The following CRYBG2 variants were observed in gnomAD, a reference collection of about 807,000 sequenced individuals.
CRYBG2 encodes crystallin beta-gamma domain containing 2, also known as beta/gamma crystallin domain-containing protein 2.
Under a neutral mutation model 153.4 loss-of-function variants are expected in CRYBG2, and 106 were observed. That is an observed-to-expected ratio of 0.69 (90% CI 0.59 to 0.81). The LOEUF is 0.81. CRYBG2 is among the 30% of genes least tolerant of loss of function. CRYBG2 has a pLI of 0.00. For synonymous variants in CRYBG2, 851 were observed against 877.8 expected (o/e 0.97, Z 0.54); for missense variants, 1,996 against 2,112.0 (o/e 0.95, Z 1.08).
In CRYBG2 at chr1:26,325,854, G is replaced by A. The variant is rs2073918632; in HGVS notation, c.4579-1544C>T. Reference sequence around the variant, plus strand: ...GGCAGTGCTTCCCCAAGTGAGGTATGCTTACTACCAGTGGGTGGTCCATGA... The same window carrying A: ...GGCAGTGCTTCCCCAAGTGAGGTATACTTACTACCAGTGGGTGGTCCATGA... On this transcript the variant is annotated intron_variant, in intron 17 of 19. Transcript: ENST00000308182. The surrounding 1 kb of genome is among the most constrained non-coding windows in gnomAD (Gnocchi z 4.1). Among the ~76,000 whole-genome samples the A allele has an allele frequency of 6.6e-6, 1 of 152,172 alleles. No individual in the cohort carries two copies. The highest frequency in any genetic ancestry group is 6.6e-5 in the Admixed American group (1 of 15,266).
At chr1:26,331,415 G>A in intron 15 of CRYBG2, 74 bp downstream of exon 15, 1 of 1,571,946 alleles carries the variant, frequency 6.4e-7, no homozygotes, top group Non-Finnish European at 8.7e-7. Flanking sequence ...CCAGCACACA[G>A]GTTCTGTGTC....
intron 1 of CRYBG2, among the ~76,000 whole-genome samples, chr1:26,351,548 C>A (rs1268170278): frequency 6.6e-6 from 1 of 152,176 alleles, no homozygotes; most frequent in African/African-American, 2.4e-5. Flanking sequence ...AAAACAGGGA[C>A]ATTTGGAAAG....
chr1:26,352,092 G>C (rs1452577378), intron 1 of CRYBG2, among the ~76,000 whole-genome samples: 1 of 151,984 alleles, frequency 6.6e-6, no homozygotes, highest in African/African-American at 2.4e-5. Context: ...AACCCAACAA[G>C]TCCTGGATTC....
rs766763467 is a variant in CRYBG2 at position 26,345,761 on chromosome 1, A to C, written c.897T>G (p.Ser299Arg). ...SALASTGIPA[S>R]AHLPKNQDAP... ...CATCCTGATTCTTAGGCAGGTGAGC[A>C]CTGGCTGGGATGCCTGTAGAGGCCA... The change falls in exon 2 of 20, where the codon AGT (serine) becomes AGG (arginine). Residue 299 changes from serine to arginine, a missense_variant. Transcript: ENST00000308182. 13 of 1,597,212 alleles carry C rather than the reference A, an allele frequency of 8.1e-6. No individual in the cohort carries two copies. The African/African-American group carries it at 1.7e-4, about 21-fold the overall frequency.
chr1:26,337,950 T>A, intron 8 of CRYBG2, 62 bp downstream of exon 8: 1 of 1,583,260 alleles, frequency 6.3e-7, no homozygotes, highest in Non-Finnish European at 8.6e-7. Flanking sequence ...CAGACCACGA[T>A]AACCAAACAC....
intron 15 of CRYBG2, among the ~76,000 whole-genome samples, chr1:26,331,043 A>T (rs143489418): frequency 3.3e-5 from 5 of 152,280 alleles, no homozygotes; most frequent in Non-Finnish European, 7.4e-5. Flanking sequence ...CAGCAACCCC[A>T]CTGCCTTGCC....
rs1177168813 is a variant in CRYBG2 at position 26,343,827 on chromosome 1, A to G, written c.2831T>C (p.Val944Ala). 7.5e-6 allele frequency: 11 copies of G among 1,466,788 alleles called. No individual in the cohort carries two copies. Among genetic ancestry groups the G allele is most frequent in the Non-Finnish European group, 9.9e-6 (11 of 1,106,592 alleles). The allele number at this position is 1,466,788 out of a possible 1,614,324, so 90.9% of individuals were successfully genotyped here. A position where few individuals can be genotyped will look rare whatever the true frequency, so the allele number is the denominator to read the frequency against. The stretch of plus-strand genomic sequence containing the variant: ...GCAAAGCAGGGGCAACTGTCCTGGC[A>G]CCTTCCTGAGCCCCGGTGCCCCATG... ...LPHGAPGLRK[V>A]PGQLPLLCSE... is the part of the protein sequence containing the mutation. Residue 944 changes from valine to alanine, a missense_variant, in exon 2 of 20, where the codon GTG (valine) becomes GCG (alanine). Coordinates refer to ENST00000308182, the MANE Select transcript of CRYBG2 (RefSeq NM_001039775.4). The surrounding 1 kb of genome is among the most constrained non-coding windows in gnomAD (Gnocchi z 4.1).
rs542440706 is a variant in CRYBG2, at chr1:26,345,166, C to G, written c.1492G>C (p.Val498Leu). ...GCAGCAGGAGCACCAGGGCCCTTCA[C>G]GACCTCTTTCCAGGTGGGGGACGAG... ...AASSPTWKEV[V>L]KGPGAPAASS... Residue 498 changes from valine (V) to leucine (L), a missense_variant, in exon 2 of 20, where the codon GTG becomes CTG. Physicochemically the swap from Val to Leu is conservative, Grantham distance 32 (BLOSUM62 1). Transcript: ENST00000308182. 4 of 1,162,228 alleles carry G rather than the reference C, an allele frequency of 3.4e-6. No individual in the cohort carries two copies. Among genetic ancestry groups the G allele is most frequent in the Non-Finnish European group, 4.7e-6 (4 of 853,548 alleles). 72.0% of individuals were successfully genotyped at this position (1,162,228 alleles called of 1,614,324 possible).
intron 14 of CRYBG2, 134 bp downstream of exon 14, chr1:26,335,961 T>G: frequency 1.5e-6 from 1 of 657,128 alleles, no homozygotes; most frequent in Non-Finnish European, 2.4e-6. Flanking sequence ...AAACCTTATT[T>G]TGTTTTAAAA....
At chr1:26,329,240 G>A (rs1460144104) in intron 15 of CRYBG2, among the ~76,000 whole-genome samples, 9 of 142,716 alleles carry the variant, frequency 6.3e-5, no homozygotes, top group Admixed American at 5.1e-4. Flanking sequence ...ACAGTGGCGC[G>A]ATATTGGCTC....
Position 26,324,240 on chromosome 1 carries a change from T to A in CRYBG2, c.4649A>T (p.Asp1550Val). The A allele has an allele frequency of 6.2e-7, 1 of 1,612,804 alleles. No homozygotes were observed. Residue 1550 changes from aspartate (D) to valine (V), a missense_variant, in exon 18 of 20, where the codon GAC becomes GTC. By Grantham distance (152) the Asp-to-Val change is radical. Transcript: ENST00000308182. ...GACCACCACACGGCCTGCTTTCATGTCCTCCACATGGTCCGGCACTGCCAG... is the reference window on the plus strand; with the variant it reads ...GACCACCACACGGCCTGCTTTCATGACCTCCACATGGTCCGGCACTGCCAG... ...GFLAVPDHVE[D>V]MKAGRVVVAD... is the part of the protein sequence containing the mutation.
At chr1:26,347,672 T>A (rs2074240901) in intron 1 of CRYBG2, among the ~76,000 whole-genome samples, 3 of 151,742 alleles carry the variant, frequency 2.0e-5, no homozygotes, top group African/African-American at 7.3e-5. Context: ...TTGTATTTTT[T>A]GTAGAGACGG....
chr1:26,331,666 G>A, intron 14 of CRYBG2, 48 bp from the exon 15 acceptor site: 1 of 1,601,710 alleles, frequency 6.2e-7, no homozygotes, highest in South Asian at 1.1e-5. Context: ...CCTGTCCTTG[G>A]CCTGCCCAGG....
chr1:26,321,915 A>G lies in CRYBG2; in HGVS notation c.*53T>C. The stretch of plus-strand genomic sequence containing the variant: ...CTTATGTTACAACAAAAACCCTATA[A>G]AAACATTCATCCCAGCAAAAGCCTC... On this transcript the variant is annotated 3_prime_UTR_variant, in exon 20 of 20. Coordinates refer to ENST00000308182, the MANE Select transcript of CRYBG2 (RefSeq NM_001039775.4). The G allele has an allele frequency of 1.4e-6, 2 of 1,427,150 alleles. No homozygotes were observed. The highest frequency in any genetic ancestry group is 2.8e-5 in the South Asian group (2 of 71,154). 88.4% of individuals were successfully genotyped at this position (1,427,150 alleles called of 1,614,324 possible).
intron 8 of CRYBG2, 67 bp from the exon 9 acceptor site, chr1:26,337,741 T>C: frequency 1.3e-6 from 2 of 1,576,204 alleles, no homozygotes; most frequent in Non-Finnish European, 1.7e-6. Flanking sequence ...GGAATGGCTC[T>C]GCCCAGCATC....
intron 14 of CRYBG2, among the ~76,000 whole-genome samples, chr1:26,334,901 G>A (rs948197601): frequency 5.9e-5 from 9 of 151,754 alleles, no homozygotes; most frequent in South Asian, 2.1e-4. Context: ...CAGTCTGGGC[G>A]ACAGAGCGAG....
rs1279334386 is a variant in CRYBG2 at position 26,337,278 on chromosome 1, A to G, written c.3746T>C (p.Leu1249Pro). ...CGTCCGGATGACCCGGAGGGAGGTC[A>G]GCAACTCGTCATAGCCTCCCCAGTG... ...WSHWGGYDEL[L>P]TSLRVIRTDF... The change falls in exon 10 of 20, where the codon CTG becomes CCG. Residue 1249 changes from leucine to proline, a missense_variant. Coordinates refer to ENST00000308182, the MANE Select transcript of CRYBG2 (RefSeq NM_001039775.4). 6.2e-7 allele frequency: 1 copy of G among 1,614,102 alleles called. No individual in the cohort carries two copies. The highest frequency in any genetic ancestry group is 1.3e-5 in the African/African-American group (1 of 75,032).
chr1:26,333,278 G>A (rs866699918), intron 14 of CRYBG2, among the ~76,000 whole-genome samples: 1 of 152,082 alleles, frequency 6.6e-6, no homozygotes, highest in Admixed American at 6.6e-5. Flanking sequence ...TAAAAGAAGA[G>A]GAAGAGGCCG....
chr1:26,328,786 G>T lies in CRYBG2; in HGVS notation c.4402C>A (p.Gln1468Lys). ...ACATGGTTGTTGAAGCCCTCGGCTTGCAGGCTCCGCACCTCCCTGCTGAGC... is the reference window on the plus strand; with the variant it reads ...ACATGGTTGTTGAAGCCCTCGGCTTTCAGGCTCCGCACCTCCCTGCTGAGC... ...IELSREVRSL[Q>K]AEGFNNHVLS... is the part of the protein sequence containing the mutation. Residue 1468 changes from glutamine (Q) to lysine (K), a missense_variant, in exon 16 of 20, where the codon CAA becomes AAA. Physicochemically the swap from Gln to Lys is moderately conservative, Grantham distance 53 (BLOSUM62 1). Coordinates refer to ENST00000308182, the MANE Select transcript of CRYBG2 (RefSeq NM_001039775.4). The T allele has an allele frequency of 6.2e-7, 1 of 1,614,046 alleles. No homozygotes were observed. The highest frequency in any genetic ancestry group is 1.1e-5 in the South Asian group (1 of 91,084).
Sources: gnomAD v4.1 joint callset for allele counts (sites outside exome capture counted in the v4.1 genomes callset) on GRCh38, gnomAD v4.1.1 for gene constraint, Gnocchi (gnomAD v3.1) non-coding constraint, MANE v1.5 for transcripts, NCBI Gene and HGNC (gene_info 2026-07-23, HGNC 2026-07-21) for gene names.